Variants in ADTRP observed in about 807,000 individuals in gnomAD.
The protein encoded by ADTRP is androgen-dependent TFPI-regulating protein.
ADTRP carries 20 observed loss-of-function variants against 27.0 expected under a neutral mutation model. That is an observed-to-expected ratio of 0.74 (90% confidence interval 0.52 to 1.08). ADTRP has a LOEUF of 1.08. ADTRP is among the 50% of genes least tolerant of loss of function. The pLI is 0.00. For missense variants in ADTRP, 251 were observed against 275.0 expected, an observed-to-expected ratio of 0.91 and a Z score of 0.62; for synonymous variants, 101 against 105.2, an observed-to-expected ratio of 0.96 and a Z score of 0.25.
intron 3 of ADTRP, among the ~76,000 whole-genome samples, chr6:11,751,370 T>C (rs1040925142): frequency 6.6e-6 from 1 of 152,218 alleles, no homozygotes; most frequent in African/African-American, 2.4e-5. Flanking sequence ...TTCCCATTAA[T>C]ATTTTTTTCT....
intron 5 of ADTRP, among the ~76,000 whole-genome samples, chr6:11,721,246 AAAC>A (rs1213724548): frequency 1.3e-5 from 2 of 152,190 alleles, no homozygotes; most frequent in African/African-American, 4.8e-5. Context: ...TGGACGTAAG[AAAC>A]AACATCAACG....
At chr6:11,739,144 T>C (rs1004780713) in intron 3 of ADTRP, among the ~76,000 whole-genome samples, 1 of 152,234 alleles carries the variant, frequency 6.6e-6, no homozygotes, top group African/African-American at 2.4e-5. Flanking sequence ...ATTAGAATGC[T>C]GCCAAAAATT....
chr6:11,717,270 G>C (rs2113866631), intron 5 of ADTRP: 1 of 1,301,012 alleles, frequency 7.7e-7, no homozygotes, highest in East Asian at 5.6e-5. Flanking sequence ...TCAGATAGTA[G>C]CAAGGGCTAG....
chr6:11,735,565 T>C lies in ADTRP; in HGVS notation c.506+3A>G. 3 of 1,607,164 alleles carry C rather than the reference T, an allele frequency of 1.9e-6. No individual in the cohort carries two copies. Among genetic ancestry groups the C allele is most frequent in the Non-Finnish European group, 2.6e-6 (3 of 1,173,990 alleles). On this transcript the variant is annotated splice_donor_region_variant and intron_variant, in intron 4 of 5. Transcript: ENST00000414691. ...AAGTTGACTTTCTCCATGTAATTCTTACCGGCTGATGTAAGCAATGCTGGC... is the reference window on the plus strand; with the variant it reads ...AAGTTGACTTTCTCCATGTAATTCTCACCGGCTGATGTAAGCAATGCTGGC...
chr6:11,763,732 C>T (rs565724806), intron 3 of ADTRP, among the ~76,000 whole-genome samples: 2 of 152,336 alleles, frequency 1.3e-5, no homozygotes, highest in Non-Finnish European at 2.9e-5. Flanking sequence ...GAGAACATTC[C>T]TTGAGGCAAT....
At chr6:11,721,997 C>T (rs1581309315) in intron 5 of ADTRP, among the ~76,000 whole-genome samples, 1 of 152,202 alleles carries the variant, frequency 6.6e-6, no homozygotes, top group East Asian at 1.9e-4. Flanking sequence ...TTTCTCTGTA[C>T]TTCCTATATC....
chr6:11,745,438 C>G (rs1762836999), intron 3 of ADTRP, among the ~76,000 whole-genome samples: 1 of 152,170 alleles, frequency 6.6e-6, no homozygotes, highest in South Asian at 2.1e-4. Context: ...TATTGTAACC[C>G]TACAGTGTCA....
chr6:11,718,553 A>T (rs541939653), intron 5 of ADTRP, among the ~76,000 whole-genome samples: 1 of 152,228 alleles, frequency 6.6e-6, no homozygotes, highest in Non-Finnish European at 1.5e-5. Flanking sequence ...TGCCCTGGGC[A>T]TGCCTGGGTG....
At chr6:11,776,895 C>G (rs1359920500) in intron 1 of ADTRP, among the ~76,000 whole-genome samples, 1 of 152,096 alleles carries the variant, frequency 6.6e-6, no homozygotes, top group Admixed American at 6.5e-5. Context: ...ACTTTTAGAT[C>G]CAGGTCATGG....
At chr6:11,735,957 T>C in intron 3 of ADTRP, 1 of 304,314 alleles carries the variant, frequency 3.3e-6, no homozygotes, top group Non-Finnish European at 6.2e-6. Context: ...CCTACTTTTT[T>C]TTGGCGGGGG....
chr6:11,722,791 G>A (rs985049984), intron 5 of ADTRP, among the ~76,000 whole-genome samples: 10 of 152,152 alleles, frequency 6.6e-5, no homozygotes, highest in African/African-American at 2.2e-4. Flanking sequence ...TCTCATTGCT[G>A]AAGACTCTGT....
At position 11,713,784 on chromosome 6, in the gene ADTRP, A is replaced by G. The variant is rs1761719637; in HGVS notation, c.*694T>C. 6.6e-6 allele frequency: 1 copy of G among 152,246 alleles called. No individual in the cohort carries two copies. The highest frequency in any genetic ancestry group is 6.5e-5 in the Admixed American group (1 of 15,288). 9.4% of individuals were successfully genotyped at this position (152,246 alleles called of 1,614,324 possible). A position where few individuals can be genotyped will look rare whatever the true frequency, so the allele number is the denominator to read the frequency against. Reference sequence around the variant, plus strand: ...TGCCCTGAATGCTTGCTCAGAAGAGAAACAGATTTCCCAGTATTTTTTATA... The same window carrying G: ...TGCCCTGAATGCTTGCTCAGAAGAGGAACAGATTTCCCAGTATTTTTTATA... On this transcript the variant is annotated 3_prime_UTR_variant, in exon 6 of 6. Transcript: ENST00000414691.
chr6:11,729,193 G>A (rs998935990), intron 4 of ADTRP, among the ~76,000 whole-genome samples: 22 of 152,000 alleles, frequency 1.4e-4, no homozygotes, highest in African/African-American at 3.9e-4. Context: ...TCTTTCTTTC[G>A]GTGTTAACCC....
chr6:11,775,447 G>A (rs778135660), intron 1 of ADTRP, among the ~76,000 whole-genome samples: 11 of 152,010 alleles, frequency 7.2e-5, no homozygotes, highest in East Asian at 1.9e-4. Flanking sequence ...CCAGGGTCTC[G>A]GGGGCAGTAA....
chr6:11,727,274 C>A (rs952398331), intron 4 of ADTRP, among the ~76,000 whole-genome samples: 3 of 152,186 alleles, frequency 2.0e-5, no homozygotes, highest in African/African-American at 7.2e-5. Flanking sequence ...CCCACCTCAG[C>A]CTCCCAAAGT....
chr6:11,752,983 G>A (rs1450559493), intron 3 of ADTRP, among the ~76,000 whole-genome samples: 2 of 152,124 alleles, frequency 1.3e-5, no homozygotes, highest in Admixed American at 6.5e-5. Context: ...ATAACAATGC[G>A]GAGAATTAAG....
intron 3 of ADTRP, among the ~76,000 whole-genome samples, chr6:11,765,323 G>T (rs11755809): frequency 0.56 from 67,180 of 119,130 alleles, 18,874 homozygotes; most frequent in East Asian, 0.93. Context: ...CCCCTGGTTT[G>T]TTTTTTTTTT....
rs369600337 is a variant in ADTRP, at chr6:11,735,569, G to A, written c.505C>T (p.Arg169Cys). The part of the protein sequence containing the change: ...LAAASIAYIS[R>C]ILWLYFETGT... ...TGACTTTCTCCATGTAATTCTTACC[G>A]GCTGATGTAAGCAATGCTGGCAGCA... Residue 169 changes from arginine to cysteine, a missense_variant and splice_region_variant, in exon 4 of 6, where the codon CGC (arginine) becomes TGC (cysteine). Coordinates refer to ENST00000414691, the MANE Select transcript of ADTRP (RefSeq NM_032744.4). 6.2e-5 allele frequency: 99 copies of A among 1,608,930 alleles called. No homozygotes were observed. Among genetic ancestry groups the A allele is most frequent in the Admixed American group, 3.8e-4 (23 of 59,936 alleles).
At chr6:11,756,149 G>T (rs931376048) in intron 3 of ADTRP, among the ~76,000 whole-genome samples, 3 of 152,102 alleles carry the variant, frequency 2.0e-5, no homozygotes, top group Admixed American at 6.5e-5. Context: ...GGCTGAGGCA[G>T]GTGGGTCGCT....
Sources: allele counts gnomAD v4.1 joint callset (sites outside exome capture counted in the v4.1 genomes callset), GRCh38; gene constraint gnomAD v4.1.1; transcripts MANE v1.5; gene names NCBI Gene and HGNC (gene_info 2026-07-23, HGNC 2026-07-21).